Variants in ZFP69B observed in about 807,000 individuals in gnomAD.
ZFP69B encodes the protein zinc finger protein 69 homolog B.
ZFP69B carries 20 observed loss-of-function variants against 19.7 expected under a neutral mutation model. That is an observed-to-expected ratio of 1.02 (90% CI 0.71 to 1.48). The LOEUF (loss-of-function observed/expected upper bound fraction) is 1.48, where lower values mean the gene tolerates loss of function less well. Among genes scored for constraint, ZFP69B ranks in the 40% most tolerant of loss-of-function variants. The pLI is 0.00. For synonymous variants in ZFP69B, 220 were observed against 222.7 expected (o/e 0.99, Z 0.11); for missense variants, 583 against 632.6 (o/e 0.92, Z 0.84).
At chr1:40,451,206 G>C (rs376032538) in intron 1 of ZFP69B, 118 bp downstream of exon 1, 2 of 1,278,522 alleles carry the variant, frequency 1.6e-6, no homozygotes, top group African/African-American at 3.1e-5. Flanking sequence ...GGTTTCCGGA[G>C]TTGTTGATTG....
rs375223454 is a variant in ZFP69B, at chr1:40,454,430, A to G, written c.213+142A>G. The G allele has an allele frequency of 1.8e-3, 967 of 546,184 alleles. 4 individuals carry two copies. Among genetic ancestry groups the G allele is most frequent in the Non-Finnish European group, 2.5e-3 (875 of 343,262 alleles). The allele number at this position is 546,184 out of a possible 1,614,324, so 33.8% of individuals were successfully genotyped here. On this transcript the variant is annotated intron_variant, in intron 2 of 4. Transcript: ENST00000361584. ...TCATTATTTTTTGAGACGGAGTCTCACTCTGTCACCCAGGCTGGAGTGCAG... is the reference window on the plus strand; with the variant it reads ...TCATTATTTTTTGAGACGGAGTCTCGCTCTGTCACCCAGGCTGGAGTGCAG...
chr1:40,450,709 G>C lies in ZFP69B; in HGVS notation c.-253G>C, dbSNP rs1192471356. 3.5e-6 allele frequency: 1 copy of C among 283,844 alleles called. No individual in the cohort carries two copies. The highest frequency in any genetic ancestry group is 6.5e-6 in the Non-Finnish European group (1 of 153,480). The allele number at this position is 283,844 out of a possible 1,614,324, so 17.6% of individuals were successfully genotyped here. A position where few individuals can be genotyped will look rare whatever the true frequency, so the allele number is the denominator to read the frequency against. ...CTTGGCGCCTCCAGCTGCTGGCCAA[G>C]GAGACAGATGGAGCTCAAGTTGGGA... On this transcript the variant is annotated 5_prime_UTR_variant, in exon 1 of 5. Coordinates refer to ENST00000361584, the MANE Select transcript of ZFP69B (RefSeq NM_023070.3).
At position 40,463,032 on chromosome 1, in the gene ZFP69B, C is replaced by T; in HGVS notation, c.1048C>T (p.Leu350Phe). Residue 350 changes from leucine to phenylalanine, a missense_variant, in exon 5 of 5, where the codon CTT (leucine) becomes TTT (phenylalanine). Leu to Phe is a conservative substitution (Grantham distance 22). Transcript: ENST00000361584. ...GAAAACCTTCAGACATCCTTCATCGCTTACTCAACATGTTAGAATTCATAC... is the reference window on the plus strand; with the variant it reads ...GAAAACCTTCAGACATCCTTCATCGTTTACTCAACATGTTAGAATTCATAC... ...CGKTFRHPSS[L>F]TQHVRIHTGE... The T allele has an allele frequency of 6.2e-7, 1 of 1,614,138 alleles. No homozygotes were observed. The highest frequency in any genetic ancestry group is 8.5e-7 in the Non-Finnish European group (1 of 1,180,042).
intron 2 of ZFP69B, among the ~76,000 whole-genome samples, chr1:40,454,738 C>T (rs1569972530): frequency 6.6e-6 from 1 of 152,198 alleles, no homozygotes; most frequent in East Asian, 1.9e-4. Flanking sequence ...AAAACCAGGC[C>T]ACATCAGTTG....
chr1:40,457,220 C>A, intron 3 of ZFP69B, 124 bp from the exon 4 acceptor site: 1 of 1,476,270 alleles, frequency 6.8e-7, no homozygotes, highest in Non-Finnish European at 9.3e-7. Flanking sequence ...ATGCTCTTTT[C>A]TGCTCTGTTC....
At chr1:40,456,394 A>G (rs1329039824) in intron 2 of ZFP69B, among the ~76,000 whole-genome samples, 1 of 152,200 alleles carries the variant, frequency 6.6e-6, no homozygotes, top group Non-Finnish European at 1.5e-5. Context: ...TATTTTTTGT[A>G]GATCATACAT....
chr1:40,462,538 C>T lies in ZFP69B; in HGVS notation c.554C>T (p.Thr185Ile), dbSNP rs1645297937. 6.2e-7 allele frequency: 1 copy of T among 1,613,988 alleles called. No homozygotes were observed. Among genetic ancestry groups the T allele is most frequent in the South Asian group, 1.1e-5 (1 of 91,074 alleles). ...ACAAAAGGAAGCAGCATGTATTCCA[C>T]CTTGGGAAGAATCTCCAAATGTAAT... Reference protein sequence around the residue: ...RFTKGSSMYSTLGRISKCNKL... With the variant: ...RFTKGSSMYSILGRISKCNKL... Residue 185 changes from threonine (T) to isoleucine (I), a missense_variant, in exon 5 of 5, where the codon ACC becomes ATC. By Grantham distance (89) the Thr-to-Ile change is moderately conservative (BLOSUM62 -1). Coordinates refer to ENST00000361584, the MANE Select transcript of ZFP69B (RefSeq NM_023070.3).
chr1:40,458,072 G>T (rs1050437473), intron 4 of ZFP69B, among the ~76,000 whole-genome samples: 5 of 152,142 alleles, frequency 3.3e-5, no homozygotes, highest in Admixed American at 6.5e-5. Context: ...ATGATAGCTG[G>T]GTTCTCTGTA....
intron 1 of ZFP69B, among the ~76,000 whole-genome samples, chr1:40,452,116 C>T (rs1358825606): frequency 6.9e-6 from 1 of 145,716 alleles, no homozygotes; most frequent in Non-Finnish European, 1.5e-5. Context: ...CAGAGCAAGA[C>T]CTTGTCTCAA....
intron 4 of ZFP69B, among the ~76,000 whole-genome samples, chr1:40,459,621 T>G (rs1645264016): frequency 6.6e-6 from 1 of 152,210 alleles, no homozygotes. Flanking sequence ...ACTTTCTAGT[T>G]GCATTTGCTG....
At chr1:40,458,549 C>G (rs1419222304) in intron 4 of ZFP69B, among the ~76,000 whole-genome samples, 3 of 147,476 alleles carry the variant, frequency 2.0e-5, no homozygotes, top group Non-Finnish European at 4.5e-5. Context: ...CAGAGTCTTG[C>G]TGTGTCACCC....
Position 40,450,896 on chromosome 1 carries a change from C to A in ZFP69B, c.-66C>A. ...CTGTCAGAGCTTCCAGCAATTTCCT[C>A]ATCAGAGGTGGACAAGCCCTATGGG... On this transcript the variant is annotated 5_prime_UTR_variant, in exon 1 of 5. Transcript: ENST00000361584. 7.0e-7 allele frequency: 1 copy of A among 1,421,362 alleles called. No individual in the cohort carries two copies. 88.0% of individuals were successfully genotyped at this position (1,421,362 alleles called of 1,614,324 possible).
chr1:40,461,204 C>CT (rs151044297), intron 4 of ZFP69B, among the ~76,000 whole-genome samples: 66 of 142,576 alleles, frequency 4.6e-4, no homozygotes, highest in Middle Eastern at 3.6e-3. Flanking sequence ...ATACCATGAT[C>CT]TTTTTTTTTT....
chr1:40,456,308 A>G (rs1286462945), intron 2 of ZFP69B, among the ~76,000 whole-genome samples: 1 of 152,204 alleles, frequency 6.6e-6, no homozygotes, highest in Non-Finnish European at 1.5e-5. Flanking sequence ...TCTAAATGGC[A>G]TGAGATCGTA....
chr1:40,459,122 C>A (rs958217604), intron 4 of ZFP69B, among the ~76,000 whole-genome samples: 1 of 152,150 alleles, frequency 6.6e-6, no homozygotes, highest in African/African-American at 2.4e-5. Flanking sequence ...TGTCCAAAAT[C>A]GGGGTGAACA....
intron 1 of ZFP69B, among the ~76,000 whole-genome samples, chr1:40,453,779 C>A (rs565603382): frequency 6.6e-6 from 1 of 151,958 alleles, no homozygotes; most frequent in East Asian, 1.9e-4. Flanking sequence ...GGCTGAGGCA[C>A]GAGAATCTCT....
chr1:40,457,318 TAC>T, intron 3 of ZFP69B, 24 bp from the exon 4 acceptor site: 1 of 1,610,486 alleles, frequency 6.2e-7, no homozygotes, highest in South Asian at 1.1e-5. Context: ...CCTCAGCATA[TAC>T]AGTCTTTTCT....
Position 40,462,849 on chromosome 1 carries a change from A to G in ZFP69B, c.865A>G (p.Lys289Glu). ...FECNICEKIFKQLIHLTEHMR... is the reference protein window; with the variant it reads ...FECNICEKIFEQLIHLTEHMR... The stretch of plus-strand genomic sequence containing the variant: ...GTGTAATATTTGTGAAAAAATCTTC[A>G]AACAGCTTATTCACCTTACTGAACA... Residue 289 changes from lysine (K) to glutamate (E), a missense_variant, in exon 5 of 5, where the codon AAA (lysine) becomes GAA (glutamate). Transcript: ENST00000361584. The G allele has an allele frequency of 6.2e-7, 1 of 1,614,094 alleles. No homozygotes were observed. Among genetic ancestry groups the G allele is most frequent in the Non-Finnish European group, 8.5e-7 (1 of 1,180,004 alleles).
At chr1:40,456,041 A>G (rs570082064) in intron 2 of ZFP69B, among the ~76,000 whole-genome samples, 1 of 152,246 alleles carries the variant, frequency 6.6e-6, no homozygotes, top group African/African-American at 2.4e-5. Flanking sequence ...AGTCTTTGCT[A>G]TTGTGAACAG....
Sources: gnomAD v4.1 joint callset for allele counts (sites outside exome capture counted in the v4.1 genomes callset) on GRCh38, gnomAD v4.1.1 for gene constraint, MANE v1.5 for transcripts, NCBI Gene and HGNC (gene_info 2026-07-23, HGNC 2026-07-21) for gene names.